The following MACROD2 variants were observed in gnomAD, a reference collection of about 807,000 sequenced individuals.
MACROD2 encodes the protein ADP-ribose glycohydrolase MACROD2.
MACROD2 carries 36 observed loss-of-function variants against 70.4 expected under a neutral mutation model. The ratio of observed to expected loss-of-function variants is 0.51; its 90% confidence interval spans 0.39 to 0.68. The LOEUF (loss-of-function observed/expected upper bound fraction) is 0.68. Ranked by LOEUF, MACROD2 falls within the 30% of genes least tolerant of loss-of-function variation. The pLI is 0.00. For missense variants in MACROD2, 496 were observed against 538.4 expected (o/e 0.92, Z 0.78); for synonymous variants, 172 against 178.8 (o/e 0.96, Z 0.30).
At chr20:15,263,350 G>C (rs1006536414) in intron 6 of MACROD2, among the ~76,000 whole-genome samples, 3 of 151,786 alleles carry the variant, frequency 2.0e-5, no homozygotes, top group Non-Finnish European at 4.4e-5. Flanking sequence ...TAGATGTATA[G>C]ATTTGTTTTT....
intron 8 of MACROD2, among the ~76,000 whole-genome samples, chr20:15,576,077 T>C (rs1364266778): frequency 1.3e-5 from 2 of 152,228 alleles, no homozygotes; most frequent in Admixed American, 1.3e-4. Flanking sequence ...AGGTTTAGAA[T>C]ATTTTAAACC....
At chr20:14,451,182 C>CT (rs1220894471) in intron 3 of MACROD2, among the ~76,000 whole-genome samples, 1 of 151,996 alleles carries the variant, frequency 6.6e-6, no homozygotes, top group African/African-American at 2.4e-5. Context: ...TGGTTCACAC[C>CT]TATAATCGCA....
intron 5 of MACROD2, among the ~76,000 whole-genome samples, chr20:14,945,769 G>A (rs927192028): frequency 6.6e-5 from 10 of 151,974 alleles, no homozygotes; most frequent in African/African-American, 2.4e-4. Context: ...CTTAAAGGAG[G>A]GTGAGAAAAT....
intron 8 of MACROD2, among the ~76,000 whole-genome samples, chr20:15,503,104 A>C (rs1402932408): frequency 1.3e-5 from 2 of 152,194 alleles, no homozygotes; most frequent in Non-Finnish European, 2.9e-5. Context: ...AAAATTAGTA[A>C]TGTCTGTTAT....
chr20:15,088,431 ATATATATATATATATATATAATATTT>A lies in MACROD2; in HGVS notation c.419-141507_419-141482del, dbSNP rs2075767779. The stretch of plus-strand genomic sequence containing the variant: ...TATATATATATATATATATATATAT[ATATATATATATATATATATAATATTT>A]TGTGTGTGTGTGTGTGTTGCTTTAA... On this transcript the variant is annotated intron_variant, in intron 5 of 17. Coordinates refer to ENST00000684519, the MANE Select transcript of MACROD2 (RefSeq NM_001351661.2). 9.7e-3 allele frequency among the ~76,000 whole-genome samples: 331 copies of A among 34,004 alleles called. 5 individuals are homozygous for A. The highest frequency in any genetic ancestry group is 0.024 in the African/African-American group (317 of 13,076). 22.3% of individuals were successfully genotyped at this position (34,004 alleles called of 152,430 possible).
At chr20:14,281,588 A>G (rs1280071779) in intron 3 of MACROD2, among the ~76,000 whole-genome samples, 4 of 152,132 alleles carry the variant, frequency 2.6e-5, no homozygotes, top group South Asian at 2.1e-4. Flanking sequence ...CTTCAGATGA[A>G]TTCTGTACTT....
chr20:15,534,608 G>A (rs1054510027), intron 8 of MACROD2, among the ~76,000 whole-genome samples: 13 of 152,012 alleles, frequency 8.6e-5, no homozygotes, highest in African/African-American at 2.9e-4. Flanking sequence ...GTAATAGGAC[G>A]GTAGATATGA....
chr20:15,464,494 A>G (rs1042265465), intron 7 of MACROD2, among the ~76,000 whole-genome samples: 1 of 152,218 alleles, frequency 6.6e-6, no homozygotes, highest in Non-Finnish European at 1.5e-5. Flanking sequence ...TGCCCTATGA[A>G]CTAGCCAACC....
intron 5 of MACROD2, among the ~76,000 whole-genome samples, chr20:14,706,819 AG>A (rs1472455366): frequency 3.9e-5 from 6 of 152,094 alleles, no homozygotes; most frequent in Non-Finnish European, 8.8e-5. Flanking sequence ...AATTGCCGAA[AG>A]GTTCTTCTTT....
intron 5 of MACROD2, among the ~76,000 whole-genome samples, chr20:15,228,500 T>TTTTG (rs2076931014): frequency 6.8e-6 from 1 of 147,100 alleles, no homozygotes; most frequent in Admixed American, 6.8e-5. Context: ...TTTTTTTTTT[T>TTTTG]TTTTTTGAGA....
At chr20:14,665,885 G>A (rs754824877) in intron 4 of MACROD2, among the ~76,000 whole-genome samples, 2 of 152,012 alleles carry the variant, frequency 1.3e-5, no homozygotes, top group African/African-American at 4.8e-5. Context: ...TGAATGTGGA[G>A]GCACCATTTT....
At position 15,793,377 on chromosome 20, in the gene MACROD2, A is replaced by G. The variant is rs141703339; in HGVS notation, c.646-69368A>G. Among the ~76,000 whole-genome samples the G allele has an allele frequency of 6.2e-3, 946 of 152,306 alleles. 5 individuals carry two copies. Among genetic ancestry groups the G allele is most frequent in the Non-Finnish European group, 9.4e-3 (640 of 67,998 alleles). The stretch of plus-strand genomic sequence containing the variant: ...CTGCCTCTGTTCCAGGCACCACACT[A>G]TGTAGACCCTCTATGGAGAGGAACT... On this transcript the variant is annotated intron_variant, in intron 8 of 17. Transcript: ENST00000684519.
intron 3 of MACROD2, among the ~76,000 whole-genome samples, chr20:14,258,658 G>A (rs1028690159): frequency 6.6e-6 from 1 of 152,008 alleles, no homozygotes; most frequent in Non-Finnish European, 1.5e-5. Context: ...CCATTGTGTG[G>A]GTTGTCTGTT....
At chr20:15,804,243 G>T (rs2063750257) in intron 8 of MACROD2, among the ~76,000 whole-genome samples, 1 of 152,172 alleles carries the variant, frequency 6.6e-6, no homozygotes, top group South Asian at 2.1e-4. Context: ...TCTTTGGATG[G>T]TTTTTTAAAT....
chr20:14,499,842 A>T (rs577918001), intron 4 of MACROD2, among the ~76,000 whole-genome samples: 1 of 152,110 alleles, frequency 6.6e-6, no homozygotes, highest in East Asian at 1.9e-4. Context: ...CTCAGTCAAC[A>T]GCAACTATTG....
chr20:15,911,105 C>G (rs2147266986), intron 10 of MACROD2, among the ~76,000 whole-genome samples: 1 of 152,304 alleles, frequency 6.6e-6, no homozygotes, highest in South Asian at 2.1e-4. Flanking sequence ...AGACTCTGAT[C>G]TAGCATCTGC....
chr20:15,981,081 G>A (rs781300848), intron 13 of MACROD2, among the ~76,000 whole-genome samples: 9 of 152,262 alleles, frequency 5.9e-5, no homozygotes, highest in Middle Eastern at 3.4e-3. Flanking sequence ...CTAGGAGTTC[G>A]CCTGTTTTTA....
At chr20:16,045,323 A>T (rs938659201) in intron 17 of MACROD2, among the ~76,000 whole-genome samples, 1 of 152,144 alleles carries the variant, frequency 6.6e-6, no homozygotes, top group African/African-American at 2.4e-5. Flanking sequence ...AGACTAAAAT[A>T]TATTTAGAAT....
At chr20:15,511,923 G>A (rs1338834487) in intron 8 of MACROD2, among the ~76,000 whole-genome samples, 1 of 152,188 alleles carries the variant, frequency 6.6e-6, no homozygotes, top group Admixed American at 6.5e-5. Flanking sequence ...GAAGATAGTG[G>A]CCTATATTTT....
Sources: gnomAD v4.1 joint callset for allele counts (sites outside exome capture counted in the v4.1 genomes callset) on GRCh38, gnomAD v4.1.1 for gene constraint, MANE v1.5 for transcripts, NCBI Gene and HGNC (gene_info 2026-07-23, HGNC 2026-07-21) for gene names.